The following GRIA1 variants were observed in gnomAD, a reference collection of about 807,000 sequenced individuals.
GRIA1 encodes glutamate receptor 1.
In GRIA1, 31 loss-of-function variants were observed where a neutral mutation model predicts 99.2. The observed-to-expected ratio is 0.31, with a 90% confidence interval of 0.23 to 0.42. GRIA1 has a LOEUF of 0.42. Among genes scored for constraint, GRIA1 ranks in the 10% least tolerant of loss-of-function variants. The pLI, the probability that GRIA1 is intolerant of heterozygous loss-of-function variation, is 1.00. For missense variants in GRIA1, 782 were observed against 1,157.5 expected (o/e 0.68, Z 4.71); for synonymous variants, 438 against 432.4 (o/e 1.01, Z -0.16).
chr5:153,602,941 C>G (rs1310057967), intron 2 of GRIA1, among the ~76,000 whole-genome samples: 1 of 152,098 alleles, frequency 6.6e-6, no homozygotes, highest in African/African-American at 2.4e-5. Context: ...AGATATTGAT[C>G]TGAGCTTTGT....
At chr5:153,509,188 G>T (rs1040191297) in intron 2 of GRIA1, among the ~76,000 whole-genome samples, 2 of 152,196 alleles carry the variant, frequency 1.3e-5, no homozygotes, top group African/African-American at 4.8e-5. Context: ...AGAGGGGACT[G>T]GGGAGGTTCC....
intron 11 of GRIA1, among the ~76,000 whole-genome samples, chr5:153,713,167 G>C (rs1197774288): frequency 2.0e-5 from 3 of 152,230 alleles, no homozygotes; most frequent in Non-Finnish European, 4.4e-5. Flanking sequence ...TGCTGGGTGA[G>C]CGAGGCCCTT....
chr5:153,665,899 A>G (rs1452935726), intron 5 of GRIA1, among the ~76,000 whole-genome samples: 4 of 152,206 alleles, frequency 2.6e-5, no homozygotes, highest in East Asian at 3.9e-4. Flanking sequence ...AACCAGGAAC[A>G]TAGCTTATAA....
chr5:153,553,761 G>A (rs139839211), intron 2 of GRIA1, among the ~76,000 whole-genome samples: 3 of 152,276 alleles, frequency 2.0e-5, no homozygotes, highest in South Asian at 2.1e-4. Context: ...GGGAAAATGC[G>A]ATCACCAGTT....
At chr5:153,651,245 G>A (rs1754551205) in intron 4 of GRIA1, among the ~76,000 whole-genome samples, 1 of 152,090 alleles carries the variant, frequency 6.6e-6, no homozygotes, top group South Asian at 2.1e-4. Flanking sequence ...CTTCTTACCT[G>A]TTTTGAAAGG....
At chr5:153,690,138 A>T (rs1175075079) in intron 8 of GRIA1, among the ~76,000 whole-genome samples, 11 of 152,136 alleles carry the variant, frequency 7.2e-5, no homozygotes. Context: ...AAGCCTAGGA[A>T]TCTGCACCTT....
chr5:153,621,665 C>T (rs1239082630), intron 2 of GRIA1, among the ~76,000 whole-genome samples: 1 of 152,112 alleles, frequency 6.6e-6, no homozygotes, highest in Non-Finnish European at 1.5e-5. Context: ...TGCTAAGTTC[C>T]AGCCTGCCTC....
intron 2 of GRIA1, among the ~76,000 whole-genome samples, chr5:153,576,997 A>G (rs28630892): frequency 1.3e-3 from 117 of 90,424 alleles, no homozygotes; most frequent in Admixed American, 2.4e-3. Context: ...TGAGTGGATG[A>G]ATGGATGGAT....
chr5:153,803,557 AT>A (rs1475595298), intron 15 of GRIA1, among the ~76,000 whole-genome samples: 2 of 152,214 alleles, frequency 1.3e-5, no homozygotes, highest in African/African-American at 4.8e-5. Flanking sequence ...GAGAAGAAAG[AT>A]TGAAGAAGGC....
chr5:153,492,850 A>G (rs1754055672), intron 1 of GRIA1, among the ~76,000 whole-genome samples: 2 of 152,174 alleles, frequency 1.3e-5, no homozygotes, highest in Non-Finnish European at 2.9e-5. Context: ...CACTGCCATC[A>G]GGTAGTACTT....
chr5:153,493,822 A>G (rs1754156382), intron 1 of GRIA1, 106 bp from the exon 2 acceptor site: 1 of 1,096,986 alleles, frequency 9.1e-7, no homozygotes, highest in South Asian at 1.4e-5. Context: ...GGCTACAGCT[A>G]GTGAGTTTGG....
chr5:153,504,333 T>A (rs780125828), intron 2 of GRIA1, among the ~76,000 whole-genome samples: 33 of 148,810 alleles, frequency 2.2e-4, no homozygotes, highest in South Asian at 6.6e-4. Flanking sequence ...ATATATATAT[T>A]TTTGTCTATT....
chr5:153,489,921 G>T (rs1490317257), upstream of GRIA1: 1 of 448,646 alleles, frequency 2.2e-6, no homozygotes, highest in Non-Finnish European at 4.5e-6. Flanking sequence ...AGAGAAGGGG[G>T]CCCATTTTAA....
At chr5:153,665,379 G>A (rs953061531) in intron 5 of GRIA1, among the ~76,000 whole-genome samples, 1 of 152,142 alleles carries the variant, frequency 6.6e-6, no homozygotes, top group Admixed American at 6.6e-5. Flanking sequence ...CAACACGAAT[G>A]CTTTTTTCTT....
At position 153,770,360 on chromosome 5, in the gene GRIA1, G is replaced by T; in HGVS notation, c.2215G>T (p.Gly739Cys). 1 of 1,613,868 alleles carries T rather than the reference G, an allele frequency of 6.2e-7. No homozygotes were observed. Among genetic ancestry groups the T allele is most frequent in the Non-Finnish European group, 8.5e-7 (1 of 1,179,818 alleles). ...ACCCTGTGACACCATGAAGGTGGGA[G>T]GTAACTTGGATTCCAAAGGCTATGG... Reference protein sequence around the residue: ...RKPCDTMKVGGNLDSKGYGIA... With the variant: ...RKPCDTMKVGCNLDSKGYGIA... Residue 739 changes from glycine (G) to cysteine (C), a missense_variant, in exon 13 of 16, where the codon GGT becomes TGT. Transcript: ENST00000285900.
chr5:153,523,059 T>G (rs72800735), intron 2 of GRIA1, among the ~76,000 whole-genome samples: 7,602 of 143,176 alleles, frequency 0.053, 265 homozygotes, highest in Non-Finnish European at 0.079. Flanking sequence ...TGATCCATCT[T>G]GCAGACCTGA....
At chr5:153,784,556 G>T (rs948130756) in intron 13 of GRIA1, among the ~76,000 whole-genome samples, 1 of 152,034 alleles carries the variant, frequency 6.6e-6, no homozygotes, top group Non-Finnish European at 1.5e-5. Flanking sequence ...ACACCATCTG[G>T]AATGGTCAGG....
intron 11 of GRIA1, among the ~76,000 whole-genome samples, chr5:153,740,881 C>T (rs1761730345): frequency 6.6e-6 from 1 of 151,756 alleles, no homozygotes; most frequent in Non-Finnish European, 1.5e-5. Context: ...CAAGAACCTC[C>T]AACCAGCCTG....
intron 2 of GRIA1, among the ~76,000 whole-genome samples, chr5:153,564,617 T>G (rs192449204): frequency 1.3e-5 from 2 of 152,324 alleles, no homozygotes; most frequent in African/African-American, 2.4e-5. Context: ...ACACAAGGCC[T>G]CTGCATTGGG....
Sources: gnomAD v4.1 joint callset for allele counts (sites outside exome capture counted in the v4.1 genomes callset) on GRCh38, gnomAD v4.1.1 for gene constraint, MANE v1.5 for transcripts, NCBI Gene and HGNC (gene_info 2026-07-23, HGNC 2026-07-21) for gene names.